Variants in SLC16A8 observed in about 807,000 individuals in gnomAD.
SLC16A8 encodes monocarboxylate transporter 3.
SLC16A8 carries 20 observed loss-of-function variants against 22.4 expected under a neutral mutation model. That is an observed-to-expected ratio of 0.89 (90% confidence interval 0.63 to 1.30). The LOEUF is 1.30. Among genes scored for constraint, SLC16A8 ranks in the 50% most tolerant of loss-of-function variants. The probability of loss-of-function intolerance (pLI) is 0.00; values close to 1 mark genes in which losing one functional copy is unlikely to be tolerated. For synonymous variants in SLC16A8, 393 were observed against 358.8 expected (o/e 1.10, Z -1.08); for missense variants, 817 against 740.3 (o/e 1.10, Z -1.20).
chr22:38,081,068 T>G lies in SLC16A8; in HGVS notation c.970A>C (p.Ser324Arg). Residue 324 changes from serine (S) to arginine (R), a missense_variant, in exon 5 of 6, where the codon AGC becomes CGC. By Grantham distance (110) the Ser-to-Arg change is moderately radical. Transcript: ENST00000681075. The stretch of plus-strand genomic sequence containing the variant: ...AGCCCATTGGCCAGCAGGGCCAGGC[T>G]GAACAGATACGGGACGTGCGGCCGC... Reference protein sequence around the residue: ...RLRPHVPYLFSLALLANGLTD... With the variant: ...RLRPHVPYLFRLALLANGLTD... The G allele has an allele frequency of 6.3e-7, 1 of 1,581,386 alleles. No homozygotes were observed. The highest frequency in any genetic ancestry group is 8.6e-7 in the Non-Finnish European group (1 of 1,168,814).
intron 5 of SLC16A8, among the ~76,000 whole-genome samples, chr22:38,079,234 G>A (rs866159613): frequency 1.3e-5 from 2 of 152,196 alleles, no homozygotes; most frequent in Non-Finnish European, 2.9e-5. Flanking sequence ...TATTTCTCAA[G>A]GCTTCTATCC....
rs76230437 is a variant in SLC16A8 at position 38,082,797 on chromosome 22, A to G, written c.77T>C (p.Phe26Ser). ...GCCGTAGGCGAAGCCGGTGACCACA[A>G]AGCAGGCGCCCAGCACCACCCAGCC... is the stretch of plus-strand genomic sequence containing the variant. ...GWGWVVLGAC[F>S]VVTGFAYGFP... is the part of the protein sequence containing the mutation. The change falls in exon 3 of 6, where the codon TTT becomes TCT. Residue 26 changes from phenylalanine (F) to serine (S), a missense_variant. Transcript: ENST00000681075. 2.0e-3 allele frequency: 3,251 copies of G among 1,594,966 alleles called. 25 individuals are homozygous for G. Among genetic ancestry groups the G allele is most frequent in the South Asian group, 0.014 (1,256 of 89,190 alleles).
intron 3 of SLC16A8, 24 bp downstream of exon 3, chr22:38,082,636 G>A (rs759489442): frequency 2.0e-6 from 3 of 1,527,560 alleles, no homozygotes; most frequent in East Asian, 4.9e-5. Flanking sequence ...CCGGGGAGGC[G>A]GAGGGCCGGG....
intron 1 of SLC16A8, among the ~76,000 whole-genome samples, 187 bp from the exon 2 acceptor site, chr22:38,083,548 G>A (rs2085953842): frequency 6.6e-6 from 1 of 152,108 alleles, no homozygotes; most frequent in Admixed American, 6.5e-5. Context: ...AGGCCAGCTG[G>A]GAATCTTGCG....
chr22:38,081,711 C>T (rs2085920992), intron 4 of SLC16A8, 32 bp from the exon 5 acceptor site: 1 of 1,471,368 alleles, frequency 6.8e-7, no homozygotes, highest in Non-Finnish European at 8.9e-7. Context: ...GCCGGGGTCC[C>T]CGGAGAGCCC....
At chr22:38,079,469 T>C (rs140693549) in intron 5 of SLC16A8, among the ~76,000 whole-genome samples, 3 of 152,322 alleles carry the variant, frequency 2.0e-5, no homozygotes, top group Middle Eastern at 3.4e-3. Flanking sequence ...TGGCCCAGGC[T>C]GGAATGTAGT....
Position 38,078,382 on chromosome 22 carries a change from CCT to C in SLC16A8, c.*4_*5del, listed in dbSNP as rs754178735. 5 of 1,588,638 alleles carry C rather than the reference CCT, an allele frequency of 3.1e-6. No homozygotes were observed. The East Asian group carries it at 9.0e-5, about 29-fold the overall frequency. ...CACTGGGCCACCCCACCCAGAGCAC[CCT>C]GAGTTATACAGACTCGGCAGCCAGC... On this transcript the variant is annotated 3_prime_UTR_variant, in exon 6 of 6. Coordinates refer to ENST00000681075, the MANE Select transcript of SLC16A8 (RefSeq NM_013356.3).
chr22:38,081,417 G>C lies in SLC16A8; in HGVS notation c.621C>G (p.Asp207Glu), dbSNP rs985538597. The C allele has an allele frequency of 2.4e-5, 31 of 1,307,770 alleles. No homozygotes were observed. Among genetic ancestry groups the C allele is most frequent in the Non-Finnish European group, 3.0e-5 (31 of 1,035,184 alleles). The allele number at this position is 1,307,770 out of a possible 1,614,324, so 81.0% of individuals were successfully genotyped here. ...CGTCCCCGGCGCGGTCGCCGGCGCT[G>C]TCCCTGCGCGGTCGCGGGCCCGGCC... is the stretch of plus-strand genomic sequence containing the variant. ...PPGPGPRPRR[D>E]SAGDRAGDAP... The change falls in exon 5 of 6, where the codon GAC becomes GAG. Residue 207 changes from aspartate to glutamate, a missense_variant. Asp to Glu is a conservative substitution (Grantham distance 45). Transcript: ENST00000681075.
At position 38,081,897 on chromosome 22, in the gene SLC16A8, AC is replaced by A; in HGVS notation, c.349del (p.Val117CysfsTer78). 6.3e-7 allele frequency: 1 copy of A among 1,592,552 alleles called. No homozygotes were observed. The highest frequency in any genetic ancestry group is 8.5e-7 in the Non-Finnish European group (1 of 1,170,222). ...GACCAGGGGGCCCTCACCTGTGAGC[AC>A]CCCAGCGGTCAGGTAGAGCTCCAGG... ...RLLELYLTAG[V>X]LTGLGLALNF... On this transcript the variant is annotated frameshift_variant, in exon 4 of 6. Transcript: ENST00000681075. LOFTEE classifies it high-confidence loss of function.
chr22:38,081,300 T>C lies in SLC16A8; in HGVS notation c.738A>G (p.Ala246=). ...CGGCGAAGGCGCGGTCGGTGCACAC[T>C]GCCAAGTCCAGCAGGCGCCGGCGGG... ...VRPRRRLLDL[A]VCTDRAFAVY... Residue 246 remains alanine (A), a synonymous_variant, in exon 5 of 6, where the codon GCA becomes GCG. Coordinates refer to ENST00000681075, the MANE Select transcript of SLC16A8 (RefSeq NM_013356.3). 1 of 1,547,522 alleles carries C rather than the reference T, an allele frequency of 6.5e-7. No homozygotes were observed. Among genetic ancestry groups the C allele is most frequent in the Non-Finnish European group, 8.7e-7 (1 of 1,146,150 alleles).
chr22:38,081,878 G>C lies in SLC16A8; in HGVS notation c.358+11C>G, dbSNP rs755096320. ...CCCAACCCAGCGGAGAGGAGACCAGGGGGCCCTCACCTGTGAGCACCCCAG... is the reference window on the plus strand; with the variant it reads ...CCCAACCCAGCGGAGAGGAGACCAGCGGGCCCTCACCTGTGAGCACCCCAG... On this transcript the variant is annotated intron_variant, in intron 4 of 5. Coordinates refer to ENST00000681075, the MANE Select transcript of SLC16A8 (RefSeq NM_013356.3). The C allele has an allele frequency of 6.3e-7, 1 of 1,591,648 alleles. No individual in the cohort carries two copies. Among genetic ancestry groups the C allele is most frequent in the Non-Finnish European group, 8.6e-7 (1 of 1,169,352 alleles).
chr22:38,078,844 T>C (rs1290473618), intron 5 of SLC16A8, 140 bp from the exon 6 acceptor site: 19 of 683,820 alleles, frequency 2.8e-5, no homozygotes, highest in Non-Finnish European at 2.4e-6. Context: ...TCTTTATTCC[T>C]GTTTTACAGA....
At chr22:38,081,796 G>C (rs1367689484) in intron 4 of SLC16A8, 93 bp downstream of exon 4, 60 of 1,470,600 alleles carry the variant, frequency 4.1e-5, no homozygotes, top group Non-Finnish European at 5.1e-5. Flanking sequence ...GAGGGACTTC[G>C]AAGACTGTCC....
In SLC16A8 at chr22:38,080,915, G is replaced by T. The variant is rs371056979; in HGVS notation, c.1123C>A (p.Pro375Thr). The change falls in exon 5 of 6, where the codon CCC becomes ACC. Residue 375 changes from proline (P) to threonine (T), a missense_variant. Physicochemically the swap from Pro to Thr is conservative, Grantham distance 38 (BLOSUM62 -1). Transcript: ENST00000681075. ...FEVLMAAVGA[P>T]RFPSALGLVL... is the part of the protein sequence containing the mutation. ...AGGCCCAGCGCACTGGGGAAGCGGG[G>T]CGCGCCCACAGCCGCCATGAGCACC... The T allele has an allele frequency of 5.1e-6, 8 of 1,570,862 alleles. No homozygotes were observed. The African/African-American group carries it at 8.0e-5, about 16-fold the overall frequency.
At chr22:38,082,971 G>T in intron 2 of SLC16A8, 71 bp downstream of exon 2, 1 of 828,946 alleles carries the variant, frequency 1.2e-6, no homozygotes, top group Non-Finnish European at 1.8e-6. Flanking sequence ...GGAAACTGAG[G>T]CACAGGGCTA....
At chr22:38,079,731 G>A (rs1236513987) in intron 5 of SLC16A8, among the ~76,000 whole-genome samples, 5 of 152,190 alleles carry the variant, frequency 3.3e-5, no homozygotes, top group Admixed American at 3.3e-4. Flanking sequence ...TTAATTGCAA[G>A]TATTTCCCCC....
Position 38,081,673 on chromosome 22 carries a change from C to T in SLC16A8, c.365G>A (p.Gly122Asp), listed in dbSNP as rs1212566068. The stretch of plus-strand genomic sequence containing the variant: ...CGACGGCTGGAAGTTGAGGGCCAGG[C>T]CCAGGCCTGCGGGCGAGGCGGTGCT... ...YLTAGVLTGL[G>D]LALNFQPSLI... The change falls in exon 5 of 6, where the codon GGC becomes GAC. Residue 122 changes from glycine (G) to aspartate (D), a missense_variant. Gly to Asp is a moderately conservative substitution (Grantham distance 94). Coordinates refer to ENST00000681075, the MANE Select transcript of SLC16A8 (RefSeq NM_013356.3). 1.3e-6 allele frequency: 2 copies of T among 1,516,914 alleles called. No homozygotes were observed. The highest frequency in any genetic ancestry group is 1.8e-6 in the Non-Finnish European group (2 of 1,137,558). The allele number at this position is 1,516,914 out of a possible 1,614,324, so 94.0% of individuals were successfully genotyped here. A position where few individuals can be genotyped will look rare whatever the true frequency, so the allele number is the denominator to read the frequency against.
chr22:38,081,757 G>C, intron 4 of SLC16A8, 78 bp from the exon 5 acceptor site: 3 of 1,457,816 alleles, frequency 2.1e-6, no homozygotes, highest in Admixed American at 2.6e-5. Context: ...GGCCAGGCCC[G>C]GGAACCCAGC....
intron 5 of SLC16A8, among the ~76,000 whole-genome samples, chr22:38,080,328 C>T (rs772808021): frequency 1.3e-5 from 2 of 152,200 alleles, no homozygotes; most frequent in Non-Finnish European, 1.5e-5. Flanking sequence ...AGGCCATCTG[C>T]ACAGTGAAAG....
Sources: allele counts gnomAD v4.1 joint callset (sites outside exome capture counted in the v4.1 genomes callset), GRCh38; gene constraint gnomAD v4.1.1; transcripts MANE v1.5; gene names NCBI Gene and HGNC (gene_info 2026-07-23, HGNC 2026-07-21).